The following ACSF3 variants were observed in gnomAD, a reference collection of about 807,000 sequenced individuals.
ACSF3 encodes malonate--CoA ligase ACSF3, mitochondrial.
ACSF3 carries 78 observed loss-of-function variants against 53.2 expected under a neutral mutation model. The observed-to-expected ratio is 1.47, with a 90% CI of 1.22 to 1.77. The LOEUF (loss-of-function observed/expected upper bound fraction) is 1.77. ACSF3 is among the 40% of genes most tolerant of loss of function. The pLI is 0.00. For synonymous variants in ACSF3, 414 were observed against 333.1 expected, an observed-to-expected ratio of 1.24 and a Z score of -2.65; for missense variants, 937 against 771.1, an observed-to-expected ratio of 1.22 and a Z score of -2.55.
rs747846272 is a variant in ACSF3 at position 89,154,411 on chromosome 16, C to G, written c.*204C>G. The G allele has an allele frequency of 1.9e-4, 132 of 680,304 alleles. No individual in the cohort carries two copies. Among genetic ancestry groups the G allele is most frequent in the Admixed American group, 7.5e-4 (37 of 49,056 alleles). 42.1% of individuals were successfully genotyped at this position (680,304 alleles called of 1,614,324 possible). A position where few individuals can be genotyped will look rare whatever the true frequency, so the allele number is the denominator to read the frequency against. On this transcript the variant is annotated 3_prime_UTR_variant, in exon 11 of 11. Transcript: ENST00000614302. Reference sequence around the variant, plus strand: ...AGTTGTTGCAGCTCAAGGAGACCGTCCCTGGTGTCACCTCTGCCTGGTCAC... The same window carrying G: ...AGTTGTTGCAGCTCAAGGAGACCGTGCCTGGTGTCACCTCTGCCTGGTCAC...
chr16:89,094,109 C>A (rs1212939590), intron 1 of ACSF3, 113 bp downstream of exon 1: 2 of 151,190 alleles, frequency 1.3e-5, no homozygotes, highest in African/African-American at 4.8e-5. Context: ...AGCCGTGGCC[C>A]GTGGCGCGGT....
rs145141190 is a variant in ACSF3, at chr16:89,102,658, G to T, written c.721G>T (p.Val241Leu). 6.2e-7 allele frequency: 1 copy of T among 1,613,830 alleles called. No homozygotes were observed. Among genetic ancestry groups the T allele is most frequent in the Admixed American group, 1.7e-5 (1 of 60,030 alleles). Residue 241 changes from valine (V) to leucine (L), a missense_variant, in exon 4 of 11, where the codon GTG (valine) becomes TTG (leucine). Coordinates refer to ENST00000614302, the MANE Select transcript of ACSF3 (RefSeq NM_001243279.3). ...GACCAAAGACGACGTGATCCTCCACGTGCTCCCGCTGCACCACGTCCATGG... is the reference window on the plus strand; with the variant it reads ...GACCAAAGACGACGTGATCCTCCACTTGCTCCCGCTGCACCACGTCCATGG... Reference protein sequence around the residue: ...AWTKDDVILHVLPLHHVHGVV... With the variant: ...AWTKDDVILHLLPLHHVHGVV...
At chr16:89,128,220 A>G (rs1255882360) in intron 7 of ACSF3, among the ~76,000 whole-genome samples, 1 of 150,572 alleles carries the variant, frequency 6.6e-6, no homozygotes, top group Non-Finnish European at 1.5e-5. Context: ...CTTTAGCTGC[A>G]TCCCCAAATT....
At chr16:89,134,573 A>G (rs937508914) in intron 8 of ACSF3, among the ~76,000 whole-genome samples, 2 of 152,216 alleles carry the variant, frequency 1.3e-5, no homozygotes, top group African/African-American at 2.4e-5. Context: ...AAGAGAGTGT[A>G]GTTGCAAGAT....
chr16:89,119,138 G>A (rs1370877618), intron 6 of ACSF3, among the ~76,000 whole-genome samples: 1 of 152,118 alleles, frequency 6.6e-6, no homozygotes, highest in African/African-American at 2.4e-5. Flanking sequence ...CACTCCTTGA[G>A]CTCTCATGGA....
intron 4 of ACSF3, among the ~76,000 whole-genome samples, chr16:89,109,110 T>C (rs975044794): frequency 2.0e-5 from 3 of 150,518 alleles, no homozygotes; most frequent in Admixed American, 6.7e-5. Flanking sequence ...TTCACACCTG[T>C]AATCCCAGCT....
At chr16:89,142,240 T>G (rs1240083327) in intron 8 of ACSF3, among the ~76,000 whole-genome samples, 1 of 152,084 alleles carries the variant, frequency 6.6e-6, no homozygotes, top group Non-Finnish European at 1.5e-5. Flanking sequence ...CTCCCCAAGC[T>G]GCCCCCACCA....
At chr16:89,118,872 C>T (rs1451433063) in intron 6 of ACSF3, among the ~76,000 whole-genome samples, 1 of 152,218 alleles carries the variant, frequency 6.6e-6, no homozygotes, top group Non-Finnish European at 1.5e-5. Flanking sequence ...TGCCCCCCAC[C>T]TGCCTGCAGC....
At chr16:89,104,248 T>C (rs147300869) in intron 4 of ACSF3, among the ~76,000 whole-genome samples, 70 of 152,262 alleles carry the variant, frequency 4.6e-4, no homozygotes, top group African/African-American at 1.6e-3. Flanking sequence ...GTTTAACACG[T>C]GAATGTATGG....
chr16:89,112,993 C>T (rs1904323484), intron 5 of ACSF3, among the ~76,000 whole-genome samples: 1 of 152,158 alleles, frequency 6.6e-6, no homozygotes, highest in Non-Finnish European at 1.5e-5. Flanking sequence ...TTGGGCCACC[C>T]AGGGGCGTGT....
Position 89,102,777 on chromosome 16 carries a change from C to T in ACSF3, c.822+18C>T, listed in dbSNP as rs370191947. 2.0e-4 allele frequency: 325 copies of T among 1,601,702 alleles called. 1 individual carries two copies. In the African/African-American group the frequency reaches 3.8e-3, roughly 19 times the overall value. Reference sequence around the variant, plus strand: ...CTCAGCAGGTGAGTTGGGGTCAGGGCTCTCGGTTGCACCCTCAGACTAGGC... The same window carrying T: ...CTCAGCAGGTGAGTTGGGGTCAGGGTTCTCGGTTGCACCCTCAGACTAGGC... On this transcript the variant is annotated intron_variant, in intron 4 of 10. Transcript: ENST00000614302.
At chr16:89,137,870 C>G (rs1304181293) in intron 8 of ACSF3, among the ~76,000 whole-genome samples, 2 of 152,206 alleles carry the variant, frequency 1.3e-5, no homozygotes, top group Non-Finnish European at 1.5e-5. Flanking sequence ...CACTAGCTTA[C>G]TTGTCACCCT....
chr16:89,133,314 A>G (rs779642180), intron 8 of ACSF3, 52 bp downstream of exon 8: 1 of 1,611,136 alleles, frequency 6.2e-7, no homozygotes, highest in Non-Finnish European at 8.5e-7. Context: ...ACAGGCAGGA[A>G]CTCATTGCTG....
At chr16:89,123,810 G>C (rs980623054) in intron 7 of ACSF3, among the ~76,000 whole-genome samples, 2 of 152,182 alleles carry the variant, frequency 1.3e-5, no homozygotes, top group Admixed American at 1.3e-4. Context: ...CCAGGTGGCA[G>C]CTGGCCTGCC....
At chr16:89,112,394 C>T in intron 5 of ACSF3, 148 bp downstream of exon 5, 1 of 1,002,624 alleles carries the variant, frequency 1.0e-6, no homozygotes, top group Non-Finnish European at 1.5e-6. Context: ...CCGTCTCCGT[C>T]TCTACCTCTC....
At chr16:89,117,443 A>G (rs1477484076) in intron 6 of ACSF3, among the ~76,000 whole-genome samples, 2 of 152,158 alleles carry the variant, frequency 1.3e-5, no homozygotes, top group African/African-American at 4.8e-5. Flanking sequence ...AAGGCTGAGA[A>G]GCTGAAATCA....
chr16:89,097,849 A>G (rs1263533350), intron 1 of ACSF3, among the ~76,000 whole-genome samples: 2 of 152,192 alleles, frequency 1.3e-5, no homozygotes, highest in East Asian at 1.9e-4. Flanking sequence ...TAGGATTCAG[A>G]GAAGACTCAC....
At chr16:89,112,838 C>T (rs1212350950) in intron 5 of ACSF3, among the ~76,000 whole-genome samples, 1 of 152,244 alleles carries the variant, frequency 6.6e-6, no homozygotes, top group Non-Finnish European at 1.5e-5. Flanking sequence ...ACGGCGCCTG[C>T]CTCTCCTATG....
At chr16:89,116,139 A>G (rs1263665763) in intron 6 of ACSF3, among the ~76,000 whole-genome samples, 1 of 152,218 alleles carries the variant, frequency 6.6e-6, no homozygotes, top group African/African-American at 2.4e-5. Context: ...CGAGATACGG[A>G]CCACAGTTCT....
Sources: gnomAD v4.1 joint callset for allele counts (sites outside exome capture counted in the v4.1 genomes callset) on GRCh38, gnomAD v4.1.1 for gene constraint, MANE v1.5 for transcripts, NCBI Gene and HGNC (gene_info 2026-07-23, HGNC 2026-07-21) for gene names.